Variants in BAZ2B observed in about 807,000 individuals in gnomAD.
BAZ2B encodes the protein bromodomain adjacent to zinc finger domain protein 2B.
Under a neutral mutation model 246.0 loss-of-function variants are expected in BAZ2B, and 91 were observed. The observed-to-expected ratio is 0.37, with a 90% CI of 0.31 to 0.44. The LOEUF (loss-of-function observed/expected upper bound fraction) is 0.44. Ranked by LOEUF, BAZ2B falls within the 20% of genes least tolerant of loss-of-function variation. The pLI is 1.00. For synonymous variants in BAZ2B, 855 were observed against 860.0 expected (o/e 0.99, Z 0.10); for missense variants, 2,332 against 2,533.7 (o/e 0.92, Z 1.71).
chr2:159,356,670 C>G (rs923420434), intron 27 of BAZ2B, among the ~76,000 whole-genome samples: 8 of 152,218 alleles, frequency 5.3e-5, no homozygotes, highest in Non-Finnish European at 5.9e-5. Context: ...GACCCCCGTG[C>G]CTCCTGACTG....
the BAZ2B span, among the ~76,000 whole-genome samples, chr2:159,656,036 T>C: frequency 2.0e-5 from 3 of 152,174 alleles, no homozygotes; most frequent in African/African-American, 7.2e-5. Flanking sequence ...TTTTGACTTT[T>C]AGAGAGCATG....
At position 159,413,536 on chromosome 2, in the gene BAZ2B, C is replaced by T. The variant is rs11680921; in HGVS notation, c.2467-991G>A. On this transcript the variant is annotated intron_variant, in intron 13 of 36. Transcript: ENST00000392783. ...CAGCCTGGCCAACATGGTGAAACCC[C>T]GTCTCTACTAAAAATACAAAAATCA... 7.7e-3 allele frequency among the ~76,000 whole-genome samples: 1,177 copies of T among 151,962 alleles called. 14 individuals carry two copies. Among genetic ancestry groups the T allele is most frequent in the Middle Eastern group, 0.024 (7 of 292 alleles).
chr2:159,469,632 G>A (rs982736720), intron 3 of BAZ2B, among the ~76,000 whole-genome samples: 1 of 151,932 alleles, frequency 6.6e-6, no homozygotes, highest in Non-Finnish European at 1.5e-5. Flanking sequence ...GTAGAGACGC[G>A]GTTTCATCAT....
chr2:159,334,479 C>T (rs977815048), intron 33 of BAZ2B, among the ~76,000 whole-genome samples: 5 of 152,110 alleles, frequency 3.3e-5, no homozygotes, highest in Admixed American at 6.5e-5. Flanking sequence ...CTAAAGATAT[C>T]GAGCACTTTA....
At chr2:159,323,801 C>CTCA (rs373627927) in intron 36 of BAZ2B, among the ~76,000 whole-genome samples, 1 of 127,510 alleles carries the variant, frequency 7.8e-6, no homozygotes, top group Non-Finnish European at 1.6e-5. Flanking sequence ...GAAACTCTCT[C>CTCA]AAAAAAAAAA....
At chr2:159,654,126 A>G in the BAZ2B span, among the ~76,000 whole-genome samples, 1 of 152,200 alleles carries the variant, frequency 6.6e-6, no homozygotes, top group Non-Finnish European at 1.5e-5. Flanking sequence ...TAACATAGGC[A>G]GGAAAAGAAC....
rs72621691 is a variant in BAZ2B at position 159,603,721 on chromosome 2, T to C, written c.-46+12521A>G. Among the ~76,000 whole-genome samples, 143 of 152,174 alleles carry C rather than the reference T, an allele frequency of 9.4e-4. 1 individual carries two copies. In the East Asian group the frequency reaches 0.026, roughly 27 times the overall value. On this transcript the variant is annotated intron_variant, in intron 1 of 36. Coordinates refer to ENST00000392783, the MANE Select transcript of BAZ2B (RefSeq NM_013450.4). The stretch of plus-strand genomic sequence containing the variant: ...CTATTTAAACATGTTTCCATTTCTA[T>C]AGCTTTAATCCAAACCACTCCACTG...
chr2:159,413,656 C>T (rs528265767), intron 13 of BAZ2B, among the ~76,000 whole-genome samples: 7 of 151,960 alleles, frequency 4.6e-5, no homozygotes, highest in South Asian at 2.1e-4. Flanking sequence ...TGCAGTAAGC[C>T]GAGATCGCAC....
chr2:159,550,060 G>C (rs1038055688), intron 2 of BAZ2B, among the ~76,000 whole-genome samples: 1 of 152,040 alleles, frequency 6.6e-6, no homozygotes, highest in Non-Finnish European at 1.5e-5. Context: ...CCAGACAAGT[G>C]ATCTGCCCAC....
intron 2 of BAZ2B, among the ~76,000 whole-genome samples, chr2:159,528,089 C>A (rs1315044307): frequency 1.3e-5 from 2 of 152,058 alleles, no homozygotes; most frequent in Non-Finnish European, 2.9e-5. Flanking sequence ...ATTTCATATA[C>A]CCTGTAAATG....
chr2:159,423,131 C>T (rs572130401), intron 13 of BAZ2B, among the ~76,000 whole-genome samples: 1 of 152,110 alleles, frequency 6.6e-6, no homozygotes, highest in South Asian at 2.1e-4. Flanking sequence ...CTGGCTAACA[C>T]GGTGAAACCC....
At chr2:159,555,069 GGTGT>G (rs61204311) in intron 2 of BAZ2B, among the ~76,000 whole-genome samples, 7 of 123,496 alleles carry the variant, frequency 5.7e-5, no homozygotes, top group African/African-American at 8.5e-5. Flanking sequence ...GTATGTGGGG[GGTGT>G]GTGTGTGTGT....
At chr2:159,480,000 T>A (rs1163739555) in intron 2 of BAZ2B, among the ~76,000 whole-genome samples, 3 of 152,154 alleles carry the variant, frequency 2.0e-5, no homozygotes, top group Non-Finnish European at 4.4e-5. Flanking sequence ...TAGTTGCTAC[T>A]GATGGCTGCA....
chr2:159,571,494 T>C (rs1051717670), intron 1 of BAZ2B, among the ~76,000 whole-genome samples: 8 of 152,122 alleles, frequency 5.3e-5, no homozygotes, highest in South Asian at 2.1e-4. Context: ...TGGGGAGAGC[T>C]AGACAGCATC....
intron 1 of BAZ2B, among the ~76,000 whole-genome samples, chr2:159,597,402 T>C (rs1031987122): frequency 6.6e-6 from 1 of 152,244 alleles, no homozygotes; most frequent in Non-Finnish European, 1.5e-5. Flanking sequence ...AGTGACTAAA[T>C]AGCAGAAATT....
chr2:159,538,883 A>G (rs1322749992), intron 2 of BAZ2B, among the ~76,000 whole-genome samples: 4 of 152,252 alleles, frequency 2.6e-5, no homozygotes, highest in Admixed American at 6.5e-5. Flanking sequence ...AAAATGCAAC[A>G]TAACGCTTTT....
chr2:159,386,239 CATT>C, intron 22 of BAZ2B, 111 bp downstream of exon 22: 1 of 1,174,750 alleles, frequency 8.5e-7, no homozygotes, highest in Non-Finnish European at 1.2e-6. Flanking sequence ...CTTTGTGAGA[CATT>C]ATGTGGAAAA....
chr2:159,610,149 GA>G lies in BAZ2B; in HGVS notation c.-46+6092del, dbSNP rs536857503. ...AGGCAATATGACAATGATCTCATAG[GA>G]AAAAAAATCAAAATCTCTGCAGCAT... On this transcript the variant is annotated intron_variant, in intron 1 of 36. Transcript: ENST00000392783. Among the ~76,000 whole-genome samples, 404 of 151,928 alleles carry G rather than the reference GA, an allele frequency of 2.7e-3. 3 individuals carry two copies. The highest frequency in any genetic ancestry group is 9.2e-3 in the African/African-American group (383 of 41,442).
At chr2:159,318,857 A>G (rs2062385989), downstream of BAZ2B, 1 of 152,204 alleles carries the variant, frequency 6.6e-6, no homozygotes, top group Admixed American at 6.5e-5. Flanking sequence ...CACCCAGCCC[A>G]GTGCTCTTTG....
Sources: gnomAD v4.1 joint callset for allele counts (sites outside exome capture counted in the v4.1 genomes callset) on GRCh38, gnomAD v4.1.1 for gene constraint, MANE v1.5 for transcripts, NCBI Gene and HGNC (gene_info 2026-07-23, HGNC 2026-07-21) for gene names.